The following BEND4 variants were observed in gnomAD, a reference collection of about 807,000 sequenced individuals.
The protein encoded by BEND4 is BEN domain-containing protein 4.
BEND4 carries 27 observed loss-of-function variants against 54.7 expected under a neutral mutation model. That is an observed-to-expected ratio of 0.49 (90% CI 0.36 to 0.68). BEND4 has a LOEUF of 0.68. Among genes scored for constraint, BEND4 ranks in the 30% least tolerant of loss-of-function variants. The pLI, the probability that BEND4 is intolerant of heterozygous loss-of-function variation, is 0.00. For synonymous variants in BEND4, 327 were observed against 299.5 expected, an observed-to-expected ratio of 1.09 and a Z score of -0.95; for missense variants, 702 against 697.2, an observed-to-expected ratio of 1.01 and a Z score of -0.08.
chr4:42,139,451 CTT>C (rs896248377), intron 3 of BEND4, among the ~76,000 whole-genome samples: 2 of 145,372 alleles, frequency 1.4e-5, no homozygotes. Context: ...CCCACAACTT[CTT>C]TTTTTTTTTG....
chr4:42,129,130 C>T (rs1358121222), intron 3 of BEND4, among the ~76,000 whole-genome samples: 3 of 152,120 alleles, frequency 2.0e-5, no homozygotes, highest in Admixed American at 1.3e-4. Flanking sequence ...CATTCCTATA[C>T]ACCAATAACA....
chr4:42,151,889 G>A lies in BEND4; in HGVS notation c.255C>T (p.Ser85=), dbSNP rs1577774666. The change falls in exon 2 of 6, where the codon TCC becomes TCT. Residue 85 remains serine (S), a synonymous_variant. Transcript: ENST00000502486. ...PPPQQFQAQS[S]YPPGPGRAAA... ...CGGCCCGGCCGGGCCCGGGGGGGTA[G>A]GAGCTCTGCGCCTGGAACTGCTGCG... is the stretch of plus-strand genomic sequence containing the variant. 1 of 1,294,326 alleles carries A rather than the reference G, an allele frequency of 7.7e-7. No individual in the cohort carries two copies. The highest frequency in any genetic ancestry group is 9.7e-7 in the Non-Finnish European group (1 of 1,028,862). The allele number at this position is 1,294,326 out of a possible 1,614,324, so 80.2% of individuals were successfully genotyped here.
At chr4:42,145,009 C>G (rs1045981939) in intron 2 of BEND4, among the ~76,000 whole-genome samples, 2 of 152,108 alleles carry the variant, frequency 1.3e-5, no homozygotes, top group Non-Finnish European at 2.9e-5. Flanking sequence ...CTCTTATTTC[C>G]TCTCCCCTTT....
intron 4 of BEND4, among the ~76,000 whole-genome samples, chr4:42,122,414 T>G (rs758391797): frequency 3.1e-4 from 47 of 151,966 alleles, no homozygotes; most frequent in Non-Finnish European, 6.6e-4. Flanking sequence ...CAGGGTGGAG[T>G]ACAGCTCCTC....
At chr4:42,121,690 A>T (rs1720065289) in intron 4 of BEND4, among the ~76,000 whole-genome samples, 1 of 152,208 alleles carries the variant, frequency 6.6e-6, no homozygotes, top group Non-Finnish European at 1.5e-5. Context: ...AGCTCCCAAA[A>T]AGTCCTTCAG....
At position 42,117,671 on chromosome 4, in the gene BEND4, G is replaced by C; in HGVS notation, c.1452C>G (p.Asn484Lys). Residue 484 changes from asparagine (N) to lysine (K), a missense_variant, in exon 6 of 6, where the codon AAC (asparagine) becomes AAG (lysine). Coordinates refer to ENST00000502486, the MANE Select transcript of BEND4 (RefSeq NM_207406.4). ...DWWMPSEEQI[N>K]KVFSDAVGHA... ...GACCGACAGCGTCGCTGAACACTTT[G>C]TTTATCTGCTCTTCCGAGGGCATCC... 6.2e-7 allele frequency: 1 copy of C among 1,611,096 alleles called. No individual in the cohort carries two copies. Among genetic ancestry groups the C allele is most frequent in the Non-Finnish European group, 8.5e-7 (1 of 1,178,630 alleles).
intron 3 of BEND4, among the ~76,000 whole-genome samples, chr4:42,131,163 C>A (rs981916796): frequency 6.6e-6 from 1 of 152,112 alleles, no homozygotes; most frequent in Non-Finnish European, 1.5e-5. Context: ...CAAACCACAA[C>A]GGCACATGTT....
chr4:42,147,516 GCTCCA>G (rs1721119148), intron 2 of BEND4, among the ~76,000 whole-genome samples: 1 of 122,290 alleles, frequency 8.2e-6, no homozygotes. Flanking sequence ...GTCATAGAAT[GCTCCA>G]CTCAAGTGAT....
At chr4:42,126,101 T>A (rs935027520) in intron 3 of BEND4, among the ~76,000 whole-genome samples, 9 of 152,226 alleles carry the variant, frequency 5.9e-5, no homozygotes, top group East Asian at 5.8e-4. Flanking sequence ...GGAAATAGAA[T>A]CTTCTTTCAT....
At chr4:42,135,123 C>T (rs1054577569) in intron 3 of BEND4, among the ~76,000 whole-genome samples, 1 of 152,138 alleles carries the variant, frequency 6.6e-6, no homozygotes, top group Non-Finnish European at 1.5e-5. Flanking sequence ...CTTAGTGACT[C>T]TTGCAACAGC....
intron 3 of BEND4, among the ~76,000 whole-genome samples, chr4:42,138,851 T>A (rs1421045914): frequency 6.6e-6 from 1 of 152,176 alleles, no homozygotes; most frequent in African/African-American, 2.4e-5. Flanking sequence ...AGACCCAGAG[T>A]TTTTCACATT....
intron 3 of BEND4, among the ~76,000 whole-genome samples, chr4:42,138,647 AAC>A (rs1720780399): frequency 6.6e-6 from 1 of 152,252 alleles, no homozygotes; most frequent in Non-Finnish European, 1.5e-5. Context: ...TCACTACAGT[AAC>A]CTTTTAACTA....
chr4:42,145,191 C>T (rs1721034913), intron 2 of BEND4, among the ~76,000 whole-genome samples: 1 of 152,112 alleles, frequency 6.6e-6, no homozygotes, highest in Admixed American at 6.5e-5. Flanking sequence ...TCAAGGGCTG[C>T]TATGGGAAAA....
At chr4:42,126,856 AAAAAC>A (rs577821140) in intron 3 of BEND4, among the ~76,000 whole-genome samples, 18 of 152,332 alleles carry the variant, frequency 1.2e-4, no homozygotes, top group Admixed American at 7.2e-4. Flanking sequence ...CAGAAAAAGG[AAAAAC>A]AAAACAAAAC....
At chr4:42,133,785 T>C (rs1577757844) in intron 3 of BEND4, among the ~76,000 whole-genome samples, 1 of 151,946 alleles carries the variant, frequency 6.6e-6, no homozygotes, top group South Asian at 2.1e-4. Flanking sequence ...ACCCGGGAGG[T>C]GGAGCTTACA....
At chr4:42,137,972 G>A (rs1720750807) in intron 3 of BEND4, among the ~76,000 whole-genome samples, 1 of 152,126 alleles carries the variant, frequency 6.6e-6, no homozygotes, top group Non-Finnish European at 1.5e-5. Flanking sequence ...TGGGAAAAAG[G>A]AAACCCTTGT....
intron 2 of BEND4, among the ~76,000 whole-genome samples, chr4:42,145,528 C>T (rs1354405704): frequency 1.3e-5 from 2 of 151,870 alleles, no homozygotes; most frequent in Admixed American, 1.3e-4. Context: ...CCCGTCTCTA[C>T]TACAAATACA....
chr4:42,117,529 A>T lies in BEND4; in HGVS notation c.1594T>A (p.Ser532Thr), dbSNP rs1719887514. The T allele has an allele frequency of 6.2e-6, 10 of 1,608,992 alleles. No individual in the cohort carries two copies. The highest frequency in any genetic ancestry group is 1.7e-5 in the Admixed American group (1 of 59,652). Residue 532 changes from serine to threonine, a missense_variant, in exon 6 of 6, where the codon TCT becomes ACT. By Grantham distance (58) the Ser-to-Thr change is moderately conservative. Transcript: ENST00000502486. ...GAAGATTCTGTCCACTAATCCCCAG[A>T]TCCATCCTGGGAACTTTTATTGAAG... is the stretch of plus-strand genomic sequence containing the variant. ...EVFNKSSQDG[S>T]GD
rs1450987218 is a variant in BEND4 at position 42,114,969 on chromosome 4, C to T, written c.*2549G>A. The T allele has an allele frequency of 1.3e-5, 2 of 152,246 alleles. No homozygotes were observed. The highest frequency in any genetic ancestry group is 2.9e-5 in the Non-Finnish European group (2 of 68,092). 9.4% of individuals were successfully genotyped at this position (152,246 alleles called of 1,614,324 possible). ...CTTGGCTAAAGGAACCCAGCAGATA[C>T]ACAAACAGTAGAAGTACAATGGAAT... On this transcript the variant is annotated 3_prime_UTR_variant, in exon 6 of 6. Coordinates refer to ENST00000502486, the MANE Select transcript of BEND4 (RefSeq NM_207406.4).
Sources: gnomAD v4.1 joint callset for allele counts (sites outside exome capture counted in the v4.1 genomes callset) on GRCh38, gnomAD v4.1.1 for gene constraint, MANE v1.5 for transcripts, NCBI Gene and HGNC (gene_info 2026-07-23, HGNC 2026-07-21) for gene names.